The following BCL2 variants were observed in gnomAD, a reference collection of about 807,000 sequenced individuals.
BCL2 encodes apoptosis regulator Bcl-2.
A neutral mutation model predicts 14.2 loss-of-function variants in BCL2; 1 was observed. That is an observed-to-expected ratio of 0.07 (90% confidence interval 0.02 to 0.33). BCL2 has a LOEUF of 0.33. BCL2 is among the 10% of genes least tolerant of loss of function. BCL2 has a pLI of 0.99. For missense variants in BCL2, 247 were observed against 305.9 expected (o/e 0.81, Z 1.44); for synonymous variants, 151 against 137.2 (o/e 1.10, Z -0.70).
intron 2 of BCL2, among the ~76,000 whole-genome samples, chr18:63,254,409 A>AAAAG (rs1555704362): frequency 6.7e-6 from 1 of 149,304 alleles, no homozygotes; most frequent in African/African-American, 2.5e-5. Flanking sequence ...AAAAAAAAAA[A>AAAAG]GCTGGGTGTG....
In BCL2 at chr18:63,128,462, G is replaced by GT; in HGVS notation, c.*162dup. On this transcript the variant is annotated 3_prime_UTR_variant, in exon 3 of 3. Coordinates refer to ENST00000333681, the MANE Select transcript of BCL2 (RefSeq NM_000633.3). Reference sequence around the variant, plus strand: ...ACGTTTTGCCTGAAGACTGTTAATTGTTGTGTGTGTGTGTGTCTGTCTGTG... The same window carrying GT: ...ACGTTTTGCCTGAAGACTGTTAATTGTTTGTGTGTGTGTGTGTCTGTCTGTG... The GT allele has an allele frequency of 2.0e-6, 1 of 498,012 alleles. No homozygotes were observed. The highest frequency in any genetic ancestry group is 1.9e-5 in the African/African-American group (1 of 51,748). The allele number at this position is 498,012 out of a possible 1,614,324, so 30.8% of individuals were successfully genotyped here. A position where few individuals can be genotyped will look rare whatever the true frequency, so the allele number is the denominator to read the frequency against.
Position 63,314,634 on chromosome 18 carries a change from C to T in BCL2, c.585+3448G>A, listed in dbSNP as rs576398324. On this transcript the variant is annotated intron_variant, in intron 2 of 2. Coordinates refer to ENST00000333681, the MANE Select transcript of BCL2 (RefSeq NM_000633.3). ...TCACAGTTCCCAGTTTAGAGGGTCA[C>T]TCTCCATCACCTGCCCAAAACTCAA... 9 of 152,332 alleles carry T rather than the reference C, an allele frequency of 5.9e-5. No homozygotes were observed. The East Asian group carries it at 1.7e-3, about 29-fold the overall frequency. 9.4% of individuals were successfully genotyped at this position (152,332 alleles called of 1,614,324 possible). A position where few individuals can be genotyped will look rare whatever the true frequency, so the allele number is the denominator to read the frequency against.
intron 2 of BCL2, chr18:63,317,631 A>G: frequency 1.6e-5 from 16 of 1,011,840 alleles, no homozygotes; most frequent in Non-Finnish European, 1.9e-5. Context: ...TTAGTGTACA[A>G]CGGGCTTGTT....
At chr18:63,145,323 C>A (rs888518447) in intron 2 of BCL2, among the ~76,000 whole-genome samples, 2 of 152,124 alleles carry the variant, frequency 1.3e-5, no homozygotes, top group Non-Finnish European at 2.9e-5. Context: ...AGAGCATAAG[C>A]CCTCAAAGAA....
At chr18:63,299,283 A>G (rs1252843922) in intron 2 of BCL2, among the ~76,000 whole-genome samples, 1 of 152,210 alleles carries the variant, frequency 6.6e-6, no homozygotes, top group Non-Finnish European at 1.5e-5. Context: ...AGCATCTATT[A>G]TGTGCTTGCC....
intron 2 of BCL2, among the ~76,000 whole-genome samples, chr18:63,181,455 C>A (rs928646313): frequency 1.3e-5 from 2 of 152,308 alleles, no homozygotes; most frequent in Middle Eastern, 3.4e-3. Context: ...CAAGCACTGG[C>A]CGTCAGAATC....
At chr18:63,153,416 T>C (rs1914698436) in intron 2 of BCL2, among the ~76,000 whole-genome samples, 1 of 152,236 alleles carries the variant, frequency 6.6e-6, no homozygotes, top group Non-Finnish European at 1.5e-5. Context: ...CTTTCCTAGG[T>C]ACCTTCTTTA....
intron 2 of BCL2, among the ~76,000 whole-genome samples, chr18:63,266,791 T>A (rs1489637247): frequency 1.3e-5 from 2 of 152,124 alleles, no homozygotes; most frequent in Non-Finnish European, 2.9e-5. Flanking sequence ...AGCTTCCTCA[T>A]CCATAAAATG....
At chr18:63,181,358 C>G (rs997194935) in intron 2 of BCL2, among the ~76,000 whole-genome samples, 1 of 152,174 alleles carries the variant, frequency 6.6e-6, no homozygotes, top group African/African-American at 2.4e-5. Flanking sequence ...GCAAAACAAG[C>G]CCTGGAAGGC....
Position 63,317,432 on chromosome 18 carries a change from G to C in BCL2, c.585+650C>G, listed in dbSNP as rs1447341840. 4.6e-6 allele frequency: 3 copies of C among 648,658 alleles called. No individual in the cohort carries two copies. The African/African-American group carries it at 5.9e-5, about 13-fold the overall frequency. 40.2% of individuals were successfully genotyped at this position (648,658 alleles called of 1,614,324 possible). A position where few individuals can be genotyped will look rare whatever the true frequency, so the allele number is the denominator to read the frequency against. The stretch of plus-strand genomic sequence containing the variant: ...TCAGGACACCTCATCACGCCCACTG[G>C]GAACATGGCACACACTGGAGATTCC... On this transcript the variant is annotated intron_variant, in intron 2 of 2. Coordinates refer to ENST00000333681, the MANE Select transcript of BCL2 (RefSeq NM_000633.3).
At chr18:63,181,208 G>C (rs1451207161) in intron 2 of BCL2, among the ~76,000 whole-genome samples, 3 of 152,176 alleles carry the variant, frequency 2.0e-5, no homozygotes, top group Non-Finnish European at 4.4e-5. Context: ...GTTCATCTCA[G>C]TTTGACTTGT....
intron 2 of BCL2, among the ~76,000 whole-genome samples, chr18:63,303,483 A>T (rs1913027700): frequency 6.6e-6 from 1 of 152,230 alleles, no homozygotes; most frequent in African/African-American, 2.4e-5. Context: ...AGAACCCAAA[A>T]GGTCACATGC....
At chr18:63,264,205 AT>A (rs1208166344) in intron 2 of BCL2, among the ~76,000 whole-genome samples, 2 of 152,182 alleles carry the variant, frequency 1.3e-5, no homozygotes, top group Non-Finnish European at 2.9e-5. Flanking sequence ...TCATATTAAA[AT>A]TTTTTAAAGA....
intron 2 of BCL2, chr18:63,151,313 A>G (rs1388875347): frequency 1.3e-5 from 2 of 152,082 alleles, no homozygotes; most frequent in African/African-American, 2.4e-5. Flanking sequence ...CATCTGTAAC[A>G]TGACTGGCAT....
intron 2 of BCL2, among the ~76,000 whole-genome samples, chr18:63,301,225 AG>A (rs1912952126): frequency 6.6e-6 from 1 of 152,232 alleles, no homozygotes; most frequent in African/African-American, 2.4e-5. Flanking sequence ...GGGGAGAAAA[AG>A]AAACAGGGAG....
chr18:63,252,524 G>A (rs1238148310), intron 2 of BCL2, among the ~76,000 whole-genome samples: 2 of 152,174 alleles, frequency 1.3e-5, no homozygotes, highest in Non-Finnish European at 2.9e-5. Context: ...GAATTATGGT[G>A]GTAGGTCTTT....
chr18:63,256,873 C>T lies in BCL2; in HGVS notation c.585+61209G>A, dbSNP rs188500211. On this transcript the variant is annotated intron_variant, in intron 2 of 2. Coordinates refer to ENST00000333681, the MANE Select transcript of BCL2 (RefSeq NM_000633.3). Reference sequence around the variant, plus strand: ...TATGTTCTACTCTATTAAAACCAGACACATGGCCACTAAACAAGGTTGATC... The same window carrying T: ...TATGTTCTACTCTATTAAAACCAGATACATGGCCACTAAACAAGGTTGATC... Among the ~76,000 whole-genome samples the T allele has an allele frequency of 4.9e-4, 75 of 152,264 alleles. No homozygotes were observed. The South Asian group carries it at 5.2e-3, about 11-fold the overall frequency.
intron 2 of BCL2, among the ~76,000 whole-genome samples, chr18:63,226,455 A>G (rs1489252617): frequency 6.6e-6 from 1 of 152,180 alleles, no homozygotes; most frequent in Non-Finnish European, 1.5e-5. Flanking sequence ...ATAAAACTGA[A>G]AACAATCTGA....
chr18:63,237,872 T>C (rs544737263), intron 2 of BCL2, among the ~76,000 whole-genome samples: 2 of 152,364 alleles, frequency 1.3e-5, no homozygotes, highest in African/African-American at 4.8e-5. Context: ...TTAAATAGTT[T>C]TTTTTAAAAG....
Sources: gnomAD v4.1 joint callset for allele counts (sites outside exome capture counted in the v4.1 genomes callset) on GRCh38, gnomAD v4.1.1 for gene constraint, MANE v1.5 for transcripts, NCBI Gene and HGNC (gene_info 2026-07-23, HGNC 2026-07-21) for gene names.